The following PPFIBP1 variants were observed in gnomAD, a reference collection of about 807,000 sequenced individuals.
PPFIBP1 encodes the protein liprin-beta-1.
A neutral mutation model predicts 137.8 loss-of-function variants in PPFIBP1; 112 were observed. The observed-to-expected ratio is 0.81, with a 90% CI of 0.70 to 0.95. PPFIBP1 has a LOEUF of 0.95. Among genes scored for constraint, PPFIBP1 ranks in the 40% least tolerant of loss-of-function variants. PPFIBP1 has a pLI of 0.00. For synonymous variants in PPFIBP1, 378 were observed against 417.3 expected (o/e 0.91, Z 1.15); for missense variants, 1,083 against 1,196.6 (o/e 0.91, Z 1.40).
At chr12:27,561,485 G>A (rs1312257799) in intron 1 of PPFIBP1, among the ~76,000 whole-genome samples, 1 of 152,162 alleles carries the variant, frequency 6.6e-6, no homozygotes, top group Non-Finnish European at 1.5e-5. Context: ...GGGTCTCTCT[G>A]TAGGTGTTTT....
At chr12:27,564,750 C>T (rs1165500777) in intron 1 of PPFIBP1, among the ~76,000 whole-genome samples, 1 of 152,128 alleles carries the variant, frequency 6.6e-6, no homozygotes, top group African/African-American at 2.4e-5. Flanking sequence ...GTCTCTCCTG[C>T]CTCTCTCCCT....
At chr12:27,605,942 C>T (rs1372235985) in intron 2 of PPFIBP1, among the ~76,000 whole-genome samples, 2 of 152,090 alleles carry the variant, frequency 1.3e-5, no homozygotes, top group Admixed American at 6.5e-5. Flanking sequence ...AAGTTAAGAT[C>T]GTACATTAGA....
intron 1 of PPFIBP1, among the ~76,000 whole-genome samples, chr12:27,540,119 G>A (rs1263377883): frequency 2.0e-5 from 3 of 149,134 alleles, no homozygotes; most frequent in African/African-American, 7.4e-5. Flanking sequence ...CTGGAGTGAT[G>A]TGATTATAGC....
At chr12:27,549,230 A>G (rs1454587750) in intron 1 of PPFIBP1, 1 of 136,410 alleles carries the variant, frequency 7.3e-6, no homozygotes, top group African/African-American at 2.5e-5. Context: ...TTTCTTCTGC[A>G]GCTCTTGACT....
intron 1 of PPFIBP1, chr12:27,549,505 T>A (rs559633475): frequency 1.3e-5 from 2 of 150,784 alleles, no homozygotes; most frequent in African/African-American, 4.9e-5. Flanking sequence ...CCAGGAAGTG[T>A]GTACTATGCA....
chr12:27,572,576 T>C (rs1455887859), intron 1 of PPFIBP1, among the ~76,000 whole-genome samples: 1 of 152,258 alleles, frequency 6.6e-6, no homozygotes, highest in Non-Finnish European at 1.5e-5. Flanking sequence ...GCCTGTTTGA[T>C]GTAATATGTC....
At chr12:27,667,413 C>T in intron 13 of PPFIBP1, 93 bp downstream of exon 13, 3 of 1,154,896 alleles carry the variant, frequency 2.6e-6, no homozygotes, top group Non-Finnish European at 3.4e-6. Flanking sequence ...ACATGGGTTC[C>T]TTTCTCAGTT....
At chr12:27,573,081 G>A (rs993826860) in intron 1 of PPFIBP1, among the ~76,000 whole-genome samples, 1 of 152,180 alleles carries the variant, frequency 6.6e-6, no homozygotes, top group Non-Finnish European at 1.5e-5. Flanking sequence ...CACAGCCCAA[G>A]CTTGTGATTT....
intron 2 of PPFIBP1, among the ~76,000 whole-genome samples, chr12:27,613,702 CAAAAAAAAAA>C (rs36094116): frequency 9.3e-6 from 1 of 107,808 alleles, no homozygotes; most frequent in Non-Finnish European, 1.9e-5. Flanking sequence ...GACTCCATCT[CAAAAAAAAAA>C]AAAAAGAAAA....
At chr12:27,620,024 C>T (rs2056179839) in intron 2 of PPFIBP1, among the ~76,000 whole-genome samples, 1 of 151,964 alleles carries the variant, frequency 6.6e-6, no homozygotes, top group African/African-American at 2.4e-5. Context: ...CACATACATA[C>T]ATAGCTAGTG....
At chr12:27,675,382 G>T (rs1226605710) in intron 17 of PPFIBP1, among the ~76,000 whole-genome samples, 1 of 152,150 alleles carries the variant, frequency 6.6e-6, no homozygotes, top group East Asian at 1.9e-4. Flanking sequence ...TGTGCCATCT[G>T]TAAACTTTTG....
Position 27,691,999 on chromosome 12 carries a change from CTG to C in PPFIBP1, c.2865+75_2865+76del, listed in dbSNP as rs2061575787. 5 of 1,296,402 alleles carry C rather than the reference CTG, an allele frequency of 3.9e-6. No homozygotes were observed. The East Asian group carries it at 9.5e-5, about 25-fold the overall frequency. 80.3% of individuals were successfully genotyped at this position (1,296,402 alleles called of 1,614,324 possible). On this transcript the variant is annotated intron_variant, in intron 28 of 29. Transcript: ENST00000228425. ...AGACACTAAATGGGAACTTTGTATA[CTG>C]TGTCTGATCAAGGACATTTTCTTCA... is the stretch of plus-strand genomic sequence containing the variant.
chr12:27,627,568 A>G (rs1203393940), intron 2 of PPFIBP1, among the ~76,000 whole-genome samples: 1 of 152,214 alleles, frequency 6.6e-6, no homozygotes, highest in Non-Finnish European at 1.5e-5. Context: ...TTATTCTCAC[A>G]AAAATTTAAA....
At chr12:27,662,777 G>T (rs2059628369) in intron 11 of PPFIBP1, among the ~76,000 whole-genome samples, 1 of 152,182 alleles carries the variant, frequency 6.6e-6, no homozygotes, top group African/African-American at 2.4e-5. Flanking sequence ...CAGAAAGTTG[G>T]AACATAAATC....
At chr12:27,691,643 T>G in intron 27 of PPFIBP1, 106 bp from the exon 28 acceptor site, 1 of 757,304 alleles carries the variant, frequency 1.3e-6, no homozygotes, top group Non-Finnish European at 2.1e-6. Context: ...AAATTATACA[T>G]ATAGGAGGGA....
intron 17 of PPFIBP1, among the ~76,000 whole-genome samples, chr12:27,676,154 A>T (rs1207926842): frequency 5.3e-5 from 8 of 152,204 alleles, no homozygotes; most frequent in Non-Finnish European, 1.2e-4. Flanking sequence ...GAATTTTTGT[A>T]TCCTAAATAT....
chr12:27,592,609 A>G lies in PPFIBP1; in HGVS notation c.-36+14370A>G, dbSNP rs2052656155. On this transcript the variant is annotated intron_variant, in intron 2 of 29. Transcript: ENST00000228425. ...CAGAGGGGAGAGGATATGCTGCCTC[A>G]GCCAGCTGAAGGCCCACCCAAAGTT... The G allele has an allele frequency of 1.9e-6, 3 of 1,595,066 alleles. No homozygotes were observed. The South Asian group carries it at 3.3e-5, about 18-fold the overall frequency.
At chr12:27,666,325 G>A (rs1167115967) in intron 12 of PPFIBP1, among the ~76,000 whole-genome samples, 1 of 148,700 alleles carries the variant, frequency 6.7e-6, no homozygotes, top group Non-Finnish European at 1.5e-5. Context: ...CTCACTAGGA[G>A]TTATATTTAG....
intron 2 of PPFIBP1, chr12:27,592,828 C>T (rs1231111800): frequency 6.5e-6 from 4 of 619,260 alleles, no homozygotes; most frequent in Non-Finnish European, 1.1e-5. Context: ...TTATGGAACT[C>T]ACATCCTTTT....
Sources: gnomAD v4.1 joint callset for allele counts (sites outside exome capture counted in the v4.1 genomes callset) on GRCh38, gnomAD v4.1.1 for gene constraint, MANE v1.5 for transcripts, NCBI Gene and HGNC (gene_info 2026-07-23, HGNC 2026-07-21) for gene names.